Variants in NLRC3 observed in about 807,000 individuals in gnomAD.
NLRC3 encodes the protein NLR family CARD domain containing 3.
In NLRC3, 87 loss-of-function variants were observed where a neutral mutation model predicts 91.6. The observed-to-expected ratio is 0.95, with a 90% confidence interval of 0.80 to 1.14. The LOEUF (loss-of-function observed/expected upper bound fraction) is 1.14, where lower values mean the gene tolerates loss of function less well. NLRC3 is among the 50% of genes most tolerant of loss of function. The probability of loss-of-function intolerance (pLI) is 0.00; values close to 1 mark genes in which losing one functional copy is unlikely to be tolerated. For missense variants in NLRC3, 1,577 were observed against 1,418.6 expected, an observed-to-expected ratio of 1.11 and a Z score of -1.79; for synonymous variants, 694 against 625.3, an observed-to-expected ratio of 1.11 and a Z score of -1.64.
Position 3,554,275 on chromosome 16 carries a change from G to C in NLRC3, c.2234C>G (p.Ala745Gly). Residue 745 changes from alanine to glycine, a missense_variant, in exon 9 of 20, where the codon GCC (alanine) becomes GGC (glycine). Physicochemically the swap from Ala to Gly is moderately conservative, Grantham distance 60. Transcript: ENST00000359128. ...GGAGAGGGTCCGGTTGGAGGCCAAG[G>C]CCTCAGCCATGGACCTGGCACCATC... Reference protein sequence around the residue: ...RDDGARSMAEALASNRTLSML... With the variant: ...RDDGARSMAEGLASNRTLSML... 6.2e-7 allele frequency: 1 copy of C among 1,613,840 alleles called. No homozygotes were observed. Among genetic ancestry groups the C allele is most frequent in the Non-Finnish European group, 8.5e-7 (1 of 1,179,750 alleles).
chr16:3,569,393 TA>T (rs1256157624), intron 1 of NLRC3, among the ~76,000 whole-genome samples: 185 of 30,030 alleles, frequency 6.2e-3, no homozygotes, highest in East Asian at 0.021. Flanking sequence ...TATATATATA[TA>T]TTATTTTTTT....
rs755743607 is a variant in NLRC3, at chr16:3,549,177, A to T, written c.2568T>A (p.His856Gln). 10 of 1,588,370 alleles carry T rather than the reference A, an allele frequency of 6.3e-6. No individual in the cohort carries two copies. The Middle Eastern group carries it at 5.0e-4, about 79-fold the overall frequency. Residue 856 changes from histidine (H) to glutamine (Q), a missense_variant, in exon 13 of 20, where the codon CAT (histidine) becomes CAA (glutamine). Physicochemically the swap from His to Gln is conservative, Grantham distance 24 (BLOSUM62 0). Coordinates refer to ENST00000359128, the MANE Select transcript of NLRC3 (RefSeq NM_178844.4). ...TCAGGGTGCTGTTGGCGCAGAGGGC[A>T]TGAGCGATGGCCTGGGCTCCCTCGG... Reference protein sequence around the residue: ...ISPEGAQAIAHALCANSTLKN... With the variant: ...ISPEGAQAIAQALCANSTLKN...
chr16:3,554,485 C>T (rs2039192574), intron 8 of NLRC3, among the ~76,000 whole-genome samples, 160 bp from the exon 9 acceptor site: 1 of 152,226 alleles, frequency 6.6e-6, no homozygotes, highest in African/African-American at 2.4e-5. Context: ...CCCTTTGCAC[C>T]ACTGCCTGGG....
intron 3 of NLRC3, 49 bp from the exon 4 acceptor site, chr16:3,565,109 C>T (rs1345872072): frequency 5.6e-6 from 8 of 1,429,986 alleles, no homozygotes; most frequent in East Asian, 2.3e-5. Context: ...CCCCATCCAG[C>T]AGCCTGGGAC....
intron 1 of NLRC3, among the ~76,000 whole-genome samples, chr16:3,567,755 G>C (rs1234724754): frequency 9.5e-6 from 1 of 105,396 alleles, no homozygotes; most frequent in African/African-American, 3.8e-5. Flanking sequence ...CTGGGCAACA[G>C]AGCGAGACTC....
Position 3,543,462 on chromosome 16 carries a change from C to T in NLRC3, c.2902G>A (p.Glu968Lys), listed in dbSNP as rs1308879193. The change falls in exon 17 of 20, where the codon GAA becomes AAA. Residue 968 changes from glutamate to lysine, a missense_variant. Transcript: ENST00000359128. ...AAGGTTCTGTTCACAGCCAAGGCTT[C>T]CCCTAGCACCTGGGCGCCTGAAGCA... is the stretch of plus-strand genomic sequence containing the variant. ...IGASGAQVLGEALAVNRTLEI... is the reference protein window; with the variant it reads ...IGASGAQVLGKALAVNRTLEI... 6.2e-7 allele frequency: 1 copy of T among 1,613,104 alleles called. No individual in the cohort carries two copies. Among genetic ancestry groups the T allele is most frequent in the Admixed American group, 1.7e-5 (1 of 59,918 alleles).
chr16:3,553,746 T>C (rs185562859), intron 9 of NLRC3, among the ~76,000 whole-genome samples: 38 of 150,880 alleles, frequency 2.5e-4, no homozygotes, highest in Non-Finnish European at 1.2e-4. Flanking sequence ...ATTTTATATT[T>C]TAATTTTATT....
chr16:3,558,071 G>GGCTCAT (rs1321027615), intron 6 of NLRC3, among the ~76,000 whole-genome samples: 3 of 152,220 alleles, frequency 2.0e-5, no homozygotes, highest in African/African-American at 4.8e-5. Flanking sequence ...TGTGCGTGGT[G>GGCTCAT]GCTCATGCCT....
In NLRC3 at chr16:3,563,316, C is replaced by T. The variant is rs1282751070; in HGVS notation, c.1621G>A (p.Ala541Thr). ...AGCTCAGCCACCTGGGTCCGGTAGG[C>T]CTGGTGCTCGCCTTGGGCCAGCAGG... ...GSLLAQGEHQAYRTQVAELLQ... is the reference protein window; with the variant it reads ...GSLLAQGEHQTYRTQVAELLQ... Residue 541 changes from alanine to threonine, a missense_variant, in exon 5 of 20, where the codon GCC becomes ACC. Coordinates refer to ENST00000359128, the MANE Select transcript of NLRC3 (RefSeq NM_178844.4). 1 of 1,598,474 alleles carries T rather than the reference C, an allele frequency of 6.3e-7. No homozygotes were observed. The highest frequency in any genetic ancestry group is 8.5e-7 in the Non-Finnish European group (1 of 1,173,702).
chr16:3,555,521 T>A (rs969083512), intron 8 of NLRC3, among the ~76,000 whole-genome samples: 1 of 152,118 alleles, frequency 6.6e-6, no homozygotes, highest in African/African-American at 2.4e-5. Flanking sequence ...GATGTGATGG[T>A]GGCACAACAT....
intron 1 of NLRC3, 30 bp downstream of exon 1, chr16:3,577,119 C>G: frequency 1.4e-6 from 1 of 703,154 alleles, no homozygotes; most frequent in Non-Finnish European, 2.6e-6. Context: ...CTCCCCTGCC[C>G]TGCACTGAGG....
At chr16:3,575,985 C>G (rs990439170) in intron 1 of NLRC3, among the ~76,000 whole-genome samples, 1 of 152,160 alleles carries the variant, frequency 6.6e-6, no homozygotes, top group Non-Finnish European at 1.5e-5. Context: ...AAAGCCTTCC[C>G]GAAGGAAGAA....
At position 3,564,276 on chromosome 16, in the gene NLRC3, A is replaced by G; in HGVS notation, c.661T>C (p.Leu221=). Residue 221 remains leucine (L), a synonymous_variant, in exon 5 of 20, where the codon TTG becomes CTG. Transcript: ENST00000359128. The surrounding 1 kb of genome is among the most constrained non-coding windows in gnomAD (Gnocchi z 5.9). ...TCCAGAGGCGTCCTGCACTCATCCA[A>G]GCCGTCCAGGATCAGGAGGGCCCTG... ...PARALLILDG[L]DECRTPLDFS... is the part of the protein sequence containing the mutation. The G allele has an allele frequency of 6.2e-7, 1 of 1,612,184 alleles. No individual in the cohort carries two copies. The highest frequency in any genetic ancestry group is 8.5e-7 in the Non-Finnish European group (1 of 1,179,640).
chr16:3,564,199 G>T lies in NLRC3; in HGVS notation c.738C>A (p.Asp246Glu), dbSNP rs1353531043. Residue 246 changes from aspartate (D) to glutamate (E), a missense_variant, in exon 5 of 20, where the codon GAC (aspartate) becomes GAA (glutamate). By Grantham distance (45) the Asp-to-Glu change is conservative. Coordinates refer to ENST00000359128, the MANE Select transcript of NLRC3 (RefSeq NM_178844.4). The surrounding 1 kb of genome is among the most constrained non-coding windows in gnomAD (Gnocchi z 5.9). The stretch of plus-strand genomic sequence containing the variant: ...CACGGATGATGTTGGTGATCAGGTG[G>T]TCCACCGGGATCTCCTTCTTTGGGT... ...CTDPKKEIPV[D>E]HLITNIIRGN... The T allele has an allele frequency of 6.2e-7, 1 of 1,613,498 alleles. No individual in the cohort carries two copies. The highest frequency in any genetic ancestry group is 2.2e-5 in the East Asian group (1 of 44,880).
chr16:3,571,415 G>A (rs951831567), intron 1 of NLRC3, among the ~76,000 whole-genome samples: 3 of 151,304 alleles, frequency 2.0e-5, no homozygotes, highest in African/African-American at 7.3e-5. Flanking sequence ...GCTGGTGGTG[G>A]GCACCTGTGG....
Position 3,548,191 on chromosome 16 carries a change from G to C in NLRC3, c.2715C>G (p.Gly905=). Reference sequence around the variant, plus strand: ...GTGCTTGTCCCAGGGCCTGGGCAGCGCCGGCCTGGATGAAGTTCCACTGCA... The same window carrying C: ...GTGCTTGTCCCAGGGCCTGGGCAGCCCCGGCCTGGATGAAGTTCCACTGCA... ...LHLQWNFIQA[G]AAQALGQALQ... is the part of the protein sequence containing the mutation. The change falls in exon 15 of 20, where the codon GGC becomes GGG. Residue 905 remains glycine (G), a synonymous_variant. Coordinates refer to ENST00000359128, the MANE Select transcript of NLRC3 (RefSeq NM_178844.4). 2.5e-6 allele frequency: 4 copies of C among 1,595,116 alleles called. No homozygotes were observed. Among genetic ancestry groups the C allele is most frequent in the Non-Finnish European group, 3.4e-6 (4 of 1,170,992 alleles).
chr16:3,555,446 G>C (rs899859693), intron 8 of NLRC3, among the ~76,000 whole-genome samples: 1 of 152,088 alleles, frequency 6.6e-6, no homozygotes, highest in Non-Finnish European at 1.5e-5. Context: ...GGGGAGAATG[G>C]GAAGTGACTG....
Position 3,548,528 on chromosome 16 carries a change from G to C in NLRC3, c.2687+142C>G, listed in dbSNP as rs1004468469. 6.7e-5 allele frequency: 44 copies of C among 654,492 alleles called. No homozygotes were observed. The African/African-American group carries it at 7.6e-4, about 11-fold the overall frequency. 40.5% of individuals were successfully genotyped at this position (654,492 alleles called of 1,614,324 possible). A position where few individuals can be genotyped will look rare whatever the true frequency, so the allele number is the denominator to read the frequency against. On this transcript the variant is annotated intron_variant, in intron 14 of 19. Coordinates refer to ENST00000359128, the MANE Select transcript of NLRC3 (RefSeq NM_178844.4). ...GCACAGGATGGGGCACAGTCTGCTGGCAGCAGGCTAGCCCGGGCAGCCCCT... is the reference window on the plus strand; with the variant it reads ...GCACAGGATGGGGCACAGTCTGCTGCCAGCAGGCTAGCCCGGGCAGCCCCT...
At chr16:3,550,080 G>A (rs1010220558) in intron 11 of NLRC3, among the ~76,000 whole-genome samples, 1 of 152,188 alleles carries the variant, frequency 6.6e-6, no homozygotes. Flanking sequence ...GCCCCCAGAG[G>A]GAGTGGCGCA....
Sources: gnomAD v4.1 joint callset for allele counts (sites outside exome capture counted in the v4.1 genomes callset) on GRCh38, gnomAD v4.1.1 for gene constraint, Gnocchi (gnomAD v3.1) non-coding constraint, MANE v1.5 for transcripts, NCBI Gene and HGNC (gene_info 2026-07-23, HGNC 2026-07-21) for gene names.